TMEM169: variants seen among roughly 807,000 people sequenced by gnomAD.
The protein encoded by TMEM169 is transmembrane protein 169.
In TMEM169, 18 loss-of-function variants were observed where a neutral mutation model predicts 27.3. The observed-to-expected ratio is 0.66, with a 90% confidence interval of 0.46 to 0.98. The LOEUF (loss-of-function observed/expected upper bound fraction) is 0.98. TMEM169 is among the 50% of genes least tolerant of loss of function. TMEM169 has a pLI of 0.00. For missense variants in TMEM169, 320 were observed against 368.6 expected (o/e 0.87, Z 1.08); for synonymous variants, 136 against 142.1 (o/e 0.96, Z 0.30).
chr2:216,095,870 C>A lies in TMEM169; in HGVS notation c.-94C>A. On this transcript the variant is annotated 5_prime_UTR_variant, in exon 2 of 3. Transcript: ENST00000437356. ...GCATCCTTGGGACATCTTTGCATAG[C>A]CCCATCTAGGAAGAAGTTCTGTGAT... 2 of 1,419,376 alleles carry A rather than the reference C, an allele frequency of 1.4e-6. No individual in the cohort carries two copies. Among genetic ancestry groups the A allele is most frequent in the East Asian group, 4.6e-5 (2 of 43,554 alleles). The allele number at this position is 1,419,376 out of a possible 1,614,324, so 87.9% of individuals were successfully genotyped here. A position where few individuals can be genotyped will look rare whatever the true frequency, so the allele number is the denominator to read the frequency against.
chr2:216,085,967 G>C (rs1574428965), intron 1 of TMEM169, among the ~76,000 whole-genome samples: 1 of 152,028 alleles, frequency 6.6e-6, no homozygotes, highest in Admixed American at 6.5e-5. Context: ...TCCAGAGTAT[G>C]AGCATGTTCT....
Position 216,084,216 on chromosome 2 carries a change from A to G in TMEM169, c.-127+2237A>G, listed in dbSNP as rs144756921. Among the ~76,000 whole-genome samples the G allele has an allele frequency of 7.9e-4, 107 of 135,104 alleles. 1 individual carries two copies. Among genetic ancestry groups the G allele is most frequent in the African/African-American group, 2.8e-3 (98 of 35,512 alleles). 88.6% of individuals were successfully genotyped at this position (135,104 alleles called of 152,430 possible). On this transcript the variant is annotated intron_variant, in intron 1 of 2. Transcript: ENST00000437356. ...GGTAACTTTATTTTCTCCCCTCTGCAAAGCAGCTGCTAGCTCAGACTGACA... is the reference window on the plus strand; with the variant it reads ...GGTAACTTTATTTTCTCCCCTCTGCGAAGCAGCTGCTAGCTCAGACTGACA...
intron 1 of TMEM169, chr2:216,082,564 G>A (rs1574426422): frequency 1.3e-5 from 2 of 152,414 alleles, no homozygotes; most frequent in Admixed American, 6.5e-5. Flanking sequence ...CTTCCTGCAA[G>A]ATGCATCTGT....
At chr2:216,083,584 G>C (rs982841824) in intron 1 of TMEM169, among the ~76,000 whole-genome samples, 19 of 152,164 alleles carry the variant, frequency 1.2e-4, no homozygotes, top group African/African-American at 3.6e-4. Flanking sequence ...TGCAGCTTCC[G>C]TGTGGCTGCT....
At chr2:216,089,146 G>C (rs899513381) in intron 1 of TMEM169, among the ~76,000 whole-genome samples, 1 of 152,134 alleles carries the variant, frequency 6.6e-6, no homozygotes, top group Non-Finnish European at 1.5e-5. Flanking sequence ...ACAGAAGGAA[G>C]GTTTGAGAGG....
At chr2:216,087,577 G>C (rs563987352) in intron 1 of TMEM169, among the ~76,000 whole-genome samples, 1 of 152,250 alleles carries the variant, frequency 6.6e-6, no homozygotes, top group South Asian at 2.1e-4. Context: ...ATAAATGTTG[G>C]CGGGTAGTAT....
chr2:216,100,140 G>A lies in TMEM169; in HGVS notation c.492G>A (p.Thr164=), dbSNP rs372395398. The part of the protein sequence containing the change: ...ADRGPHVVLW[T]LICLPVVFIL... Reference sequence around the variant, plus strand: ...GTGGGCCCCATGTGGTCCTCTGGACGCTGATCTGCCTGCCTGTGGTTTTCA... The same window carrying A: ...GTGGGCCCCATGTGGTCCTCTGGACACTGATCTGCCTGCCTGTGGTTTTCA... The change falls in exon 3 of 3, where the codon ACG becomes ACA. Residue 164 remains threonine, a synonymous_variant. Transcript: ENST00000437356. 2.6e-5 allele frequency: 42 copies of A among 1,614,140 alleles called. No individual in the cohort carries two copies. In the African/African-American group the frequency reaches 2.8e-4, roughly 11 times the overall value.
At chr2:216,089,333 T>C (rs761103675) in intron 1 of TMEM169, among the ~76,000 whole-genome samples, 2 of 152,118 alleles carry the variant, frequency 1.3e-5, no homozygotes, top group Non-Finnish European at 2.9e-5. Flanking sequence ...GGATCTGTCA[T>C]CAAATGAAGG....
intron 1 of TMEM169, among the ~76,000 whole-genome samples, chr2:216,091,965 A>G (rs1458035967): frequency 6.6e-6 from 1 of 152,194 alleles, no homozygotes; most frequent in East Asian, 1.9e-4. Context: ...TAAATCAAGG[A>G]CAGTGTCTCT....
chr2:216,100,369 T>C lies in TMEM169; in HGVS notation c.721T>C (p.Trp241Arg). Reference protein sequence around the residue: ...VVQLSWSWEAWWQAARDMEKG... With the variant: ...VVQLSWSWEARWQAARDMEKG... ...CCAGCTCTCGTGGTCCTGGGAAGCA[T>C]GGTGGCAAGCTGCCCGGGACATGGA... The change falls in exon 3 of 3, where the codon TGG becomes CGG. Residue 241 changes from tryptophan (W) to arginine (R), a missense_variant. By Grantham distance (101) the Trp-to-Arg change is moderately radical (BLOSUM62 -3). Transcript: ENST00000437356. 1 of 1,613,986 alleles carries C rather than the reference T, an allele frequency of 6.2e-7. No individual in the cohort carries two copies. The highest frequency in any genetic ancestry group is 8.5e-7 in the Non-Finnish European group (1 of 1,179,996).
intron 1 of TMEM169, among the ~76,000 whole-genome samples, chr2:216,089,869 T>C (rs1489461214): frequency 1.3e-5 from 2 of 152,200 alleles, no homozygotes; most frequent in Non-Finnish European, 2.9e-5. Flanking sequence ...ATAGGTCAAG[T>C]GTGGAAAATA....
intron 1 of TMEM169, among the ~76,000 whole-genome samples, chr2:216,087,322 A>G (rs1316498357): frequency 6.6e-6 from 1 of 152,220 alleles, no homozygotes; most frequent in Admixed American, 6.5e-5. Flanking sequence ...CACCATTAAT[A>G]TGGTAAAAAA....
chr2:216,084,540 G>T (rs1300225372), intron 1 of TMEM169, among the ~76,000 whole-genome samples: 1 of 152,120 alleles, frequency 6.6e-6, no homozygotes, highest in African/African-American at 2.4e-5. Flanking sequence ...TTGAAGTCTA[G>T]TAGAAGAGCT....
intron 2 of TMEM169, among the ~76,000 whole-genome samples, chr2:216,097,317 C>G (rs936144567): frequency 6.6e-6 from 1 of 152,162 alleles, no homozygotes. Flanking sequence ...AGGCAGATCA[C>G]GTGGGGTCAG....
rs1344904702 is a variant in TMEM169 at position 216,096,085 on chromosome 2, A to G, written c.122A>G (p.Lys41Arg). The change falls in exon 2 of 3, where the codon AAA becomes AGA. Residue 41 changes from lysine (K) to arginine (R), a missense_variant. Coordinates refer to ENST00000437356, the MANE Select transcript of TMEM169 (RefSeq NM_001142311.2). ...LDGESTMGHRKKKRKESRPES... is the reference protein window; with the variant it reads ...LDGESTMGHRRKKRKESRPES... ...GGGGAATCCACAATGGGGCACAGGA[A>G]AAAGAAGAGGAAAGAGTCACGCCCA... 2.5e-6 allele frequency: 4 copies of G among 1,614,124 alleles called. No individual in the cohort carries two copies.
At chr2:216,093,667 CAAAG>C (rs982807890) in intron 1 of TMEM169, among the ~76,000 whole-genome samples, 26 of 151,836 alleles carry the variant, frequency 1.7e-4, no homozygotes, top group African/African-American at 5.8e-4. Context: ...AATGGAAAGA[CAAAG>C]AAAATCAACA....
chr2:216,085,673 C>T (rs1426428041), intron 1 of TMEM169, among the ~76,000 whole-genome samples: 23 of 152,072 alleles, frequency 1.5e-4, no homozygotes, highest in Admixed American at 1.5e-3. Flanking sequence ...GAGTTCGAGA[C>T]CAGCCTGACC....
rs1160426094 is a variant in TMEM169, at chr2:216,096,226, T to G, written c.263T>G (p.Val88Gly). Reference protein sequence around the residue: ...EEGDDFLDYPVDDDMWNLPLD... With the variant: ...EEGDDFLDYPGDDDMWNLPLD... Reference sequence around the variant, plus strand: ...GGAGATGATTTCCTAGACTATCCTGTGGATGATGGTAAGTCTCTCTAGCCC... The same window carrying G: ...GGAGATGATTTCCTAGACTATCCTGGGGATGATGGTAAGTCTCTCTAGCCC... The change falls in exon 2 of 3, where the codon GTG becomes GGG. Residue 88 changes from valine to glycine, a missense_variant. Transcript: ENST00000437356. 6.2e-7 allele frequency: 1 copy of G among 1,613,360 alleles called. No homozygotes were observed. Among genetic ancestry groups the G allele is most frequent in the Non-Finnish European group, 8.5e-7 (1 of 1,179,512 alleles).
At chr2:216,083,500 T>A (rs1695922552) in intron 1 of TMEM169, among the ~76,000 whole-genome samples, 1 of 152,158 alleles carries the variant, frequency 6.6e-6, no homozygotes, top group Admixed American at 6.5e-5. Context: ...TAACTTAACA[T>A]GATTTATGCC....
Sources: allele counts gnomAD v4.1 joint callset (sites outside exome capture counted in the v4.1 genomes callset), GRCh38; gene constraint gnomAD v4.1.1; transcripts MANE v1.5; gene names NCBI Gene and HGNC (gene_info 2026-07-23, HGNC 2026-07-21).